LIMCH1: variants seen among roughly 807,000 people sequenced by gnomAD.
LIMCH1 encodes LIM and calponin homology domains-containing protein 1.
Under a neutral mutation model 176.5 loss-of-function variants are expected in LIMCH1, and 113 were observed. That is an observed-to-expected ratio of 0.64 (90% CI 0.55 to 0.75). LIMCH1 has a LOEUF of 0.75. Ranked by LOEUF, LIMCH1 falls within the 30% of genes least tolerant of loss-of-function variation. The probability of loss-of-function intolerance (pLI) is 0.00; values close to 1 mark genes in which losing one functional copy is unlikely to be tolerated. For missense variants in LIMCH1, 1,674 were observed against 1,814.9 expected (o/e 0.92, Z 1.41); for synonymous variants, 619 against 645.9 (o/e 0.96, Z 0.63).
intron 1 of LIMCH1, among the ~76,000 whole-genome samples, chr4:41,367,012 A>G (rs1254099995): frequency 1.3e-5 from 2 of 152,188 alleles, no homozygotes; most frequent in Non-Finnish European, 2.9e-5. Context: ...GGCAGGAGAG[A>G]GAGAGCAAGC....
chr4:41,586,900 G>T (rs1319660751), intron 1 of LIMCH1, among the ~76,000 whole-genome samples: 1 of 152,138 alleles, frequency 6.6e-6, no homozygotes, highest in Non-Finnish European at 1.5e-5. Context: ...GGAGTCTTTG[G>T]GGTTGAGCAC....
At chr4:41,558,285 A>G (rs1315577454) in intron 1 of LIMCH1, among the ~76,000 whole-genome samples, 1 of 152,146 alleles carries the variant, frequency 6.6e-6, no homozygotes, top group African/African-American at 2.4e-5. Flanking sequence ...TAGAGTTGTA[A>G]AGGCAGGAAT....
At chr4:41,429,252 G>A (rs1196329146) in intron 1 of LIMCH1, among the ~76,000 whole-genome samples, 1 of 152,078 alleles carries the variant, frequency 6.6e-6, no homozygotes, top group African/African-American at 2.4e-5. Context: ...GGCTCTTTAA[G>A]TAGTCTTATT....
At position 41,697,966 on chromosome 4, in the gene LIMCH1, T is replaced by C. The variant is rs1407531117; in HGVS notation, c.*781T>C. ...AATATTTCAGTCATCATTTCCAAAG[T>C]CATTATCAAAATCTGTGAGGAAGTT... On this transcript the variant is annotated 3_prime_UTR_variant, in exon 32 of 32. Transcript: ENST00000503057. 6.6e-6 allele frequency: 1 copy of C among 152,072 alleles called. No individual in the cohort carries two copies. The highest frequency in any genetic ancestry group is 1.5e-5 in the Non-Finnish European group (1 of 68,010). 9.4% of individuals were successfully genotyped at this position (152,072 alleles called of 1,614,324 possible).
chr4:41,527,421 T>C (rs1162586496), intron 3 of LIMCH1, among the ~76,000 whole-genome samples: 1 of 152,166 alleles, frequency 6.6e-6, no homozygotes, highest in Non-Finnish European at 1.5e-5. Context: ...GATGTCCTGG[T>C]GATGCACTAA....
At chr4:41,497,943 C>T (rs1188407367) in intron 2 of LIMCH1, among the ~76,000 whole-genome samples, 1 of 152,068 alleles carries the variant, frequency 6.6e-6, no homozygotes, top group Non-Finnish European at 1.5e-5. Flanking sequence ...GGCATTAGTG[C>T]CTGCAGACCT....
At chr4:41,495,895 A>C (rs531219354) in intron 2 of LIMCH1, among the ~76,000 whole-genome samples, 1 of 152,192 alleles carries the variant, frequency 6.6e-6, no homozygotes, top group African/African-American at 2.4e-5. Flanking sequence ...TGATGTTTCC[A>C]TATTCTCTTT....
At chr4:41,444,178 A>C (rs2063006272) in intron 1 of LIMCH1, among the ~76,000 whole-genome samples, 1 of 152,046 alleles carries the variant, frequency 6.6e-6, no homozygotes, top group South Asian at 2.1e-4. Flanking sequence ...GTTTGAGTTT[A>C]TGTTCTGGCA....
At chr4:41,395,247 T>A (rs2057674431) in intron 1 of LIMCH1, among the ~76,000 whole-genome samples, 1 of 150,942 alleles carries the variant, frequency 6.6e-6, no homozygotes. Context: ...TTTTTTTTTT[T>A]TTGAGATGGA....
At chr4:41,499,742 C>G (rs1009879768) in intron 2 of LIMCH1, among the ~76,000 whole-genome samples, 6 of 152,016 alleles carry the variant, frequency 3.9e-5, no homozygotes, top group African/African-American at 1.4e-4. Context: ...CTCTTGAACC[C>G]GGGAGGCGGA....
chr4:41,632,768 G>C lies in LIMCH1; in HGVS notation c.1621G>C (p.Gly541Arg). 1 of 1,536,290 alleles carries C rather than the reference G, an allele frequency of 6.5e-7. No homozygotes were observed. The highest frequency in any genetic ancestry group is 8.7e-7 in the Non-Finnish European group (1 of 1,146,908). Residue 541 changes from glycine to arginine, a missense_variant, in exon 11 of 32, where the codon GGT becomes CGT. Coordinates refer to ENST00000503057, the MANE Select transcript of LIMCH1 (RefSeq NM_001330672.2). ...NDCRTMNCGR[G>R]DYCRRASWLA... ...CTGCAGAACAATGAATTGTGGCCGA[G>C]GTGACTATTGCAGAAGGGCCTCGTG...
intron 1 of LIMCH1, among the ~76,000 whole-genome samples, chr4:41,594,354 A>G (rs1056300327): frequency 7.2e-5 from 11 of 152,226 alleles, no homozygotes; most frequent in African/African-American, 2.2e-4. Context: ...AGCTAAATAT[A>G]TAGCCATTAT....
chr4:41,478,240 A>G (rs2068045027), intron 1 of LIMCH1, among the ~76,000 whole-genome samples: 1 of 152,206 alleles, frequency 6.6e-6, no homozygotes, highest in East Asian at 1.9e-4. Flanking sequence ...ACTCAAATCA[A>G]AAATTAGTAT....
intron 20 of LIMCH1, 150 bp downstream of exon 20, chr4:41,663,134 C>CGTGCGTGTGTGT: frequency 2.5e-6 from 1 of 405,328 alleles, no homozygotes; most frequent in Non-Finnish European, 4.4e-6. Flanking sequence ...TTTTCTTTTT[C>CGTGCGTGTGTGT]GTGTGTGTGT....
chr4:41,483,672 C>G (rs956320277), intron 1 of LIMCH1, among the ~76,000 whole-genome samples: 1 of 152,188 alleles, frequency 6.6e-6, no homozygotes, highest in Non-Finnish European at 1.5e-5. Context: ...GTGCTCAGGT[C>G]TTTGAAAGCT....
chr4:41,588,341 C>G (rs1323596179), intron 1 of LIMCH1, among the ~76,000 whole-genome samples: 1 of 152,034 alleles, frequency 6.6e-6, no homozygotes, highest in African/African-American at 2.4e-5. Flanking sequence ...GAAGGCATGG[C>G]AGAGAGGTGG....
chr4:41,683,535 C>T (rs1234127952), intron 26 of LIMCH1, among the ~76,000 whole-genome samples: 2 of 152,220 alleles, frequency 1.3e-5, no homozygotes, highest in East Asian at 3.8e-4. Context: ...AGAGTGCATG[C>T]ATGTGCACAC....
intron 1 of LIMCH1, among the ~76,000 whole-genome samples, chr4:41,364,335 A>C (rs983958528): frequency 1.3e-5 from 2 of 151,934 alleles, no homozygotes; most frequent in Non-Finnish European, 2.9e-5. Flanking sequence ...TACTACTACT[A>C]TTATCATTAT....
At chr4:41,490,161 C>T (rs2070499156) in intron 1 of LIMCH1, among the ~76,000 whole-genome samples, 1 of 151,790 alleles carries the variant, frequency 6.6e-6, no homozygotes, top group African/African-American at 2.4e-5. Context: ...GAAAGGCAAG[C>T]ACACTCAGTG....
Sources: gnomAD v4.1 joint callset for allele counts (sites outside exome capture counted in the v4.1 genomes callset) on GRCh38, gnomAD v4.1.1 for gene constraint, MANE v1.5 for transcripts, NCBI Gene and HGNC (gene_info 2026-07-23, HGNC 2026-07-21) for gene names.